HACL1: variants seen among roughly 807,000 people sequenced by gnomAD.
HACL1 encodes the protein 1600020H07Rik.
In HACL1, 64 loss-of-function variants were observed where a neutral mutation model predicts 74.2. The ratio of observed to expected loss-of-function variants is 0.86; its 90% CI spans 0.70 to 1.06. HACL1 has a LOEUF of 1.06. Among genes scored for constraint, HACL1 ranks in the 50% least tolerant of loss-of-function variants. The pLI is 0.00. For synonymous variants in HACL1, 230 were observed against 238.8 expected, an observed-to-expected ratio of 0.96 and a Z score of 0.34; for missense variants, 728 against 719.7, an observed-to-expected ratio of 1.01 and a Z score of -0.13.
At chr3:15,568,611 C>T in intron 12 of HACL1, 25 bp from the exon 13 acceptor site, 1 of 1,306,076 alleles carries the variant, frequency 7.7e-7, no homozygotes, top group Non-Finnish European at 1.1e-6. Flanking sequence ...GGAATATAAT[C>T]AAATTAAATT....
At chr3:15,589,491 T>C (rs768877216) in intron 5 of HACL1, 49 bp downstream of exon 5, 1 of 1,169,766 alleles carries the variant, frequency 8.5e-7, no homozygotes, top group Non-Finnish European at 1.3e-6. Flanking sequence ...AGCAAGATCC[T>C]GTTTCAAAAA....
intron 11 of HACL1, among the ~76,000 whole-genome samples, chr3:15,572,203 G>A (rs1256963552): frequency 1.3e-5 from 2 of 151,956 alleles, no homozygotes; most frequent in Non-Finnish European, 2.9e-5. Context: ...AAGACTATAC[G>A]GCCATACTAC....
rs748818055 is a variant in HACL1 at position 15,601,136 on chromosome 3, G to A, written c.140C>T (p.Ala47Val). 7 of 1,613,850 alleles carry A rather than the reference G, an allele frequency of 4.3e-6. No individual in the cohort carries two copies. The highest frequency in any genetic ancestry group is 5.9e-6 in the Non-Finnish European group (7 of 1,179,706). ...GATGTACTTGATGCCTAGCTGCTGG[G>A]CAGCAATGGCGATTTCGGTCACTGG... is the stretch of plus-strand genomic sequence containing the variant. ...GIPVTEIAIAAQQLGIKYIGM... is the reference protein window; with the variant it reads ...GIPVTEIAIAVQQLGIKYIGM... Residue 47 changes from alanine to valine, a missense_variant, in exon 2 of 17, where the codon GCC (alanine) becomes GTC (valine). By Grantham distance (64) the Ala-to-Val change is moderately conservative. Coordinates refer to ENST00000321169, the MANE Select transcript of HACL1 (RefSeq NM_012260.4).
intron 9 of HACL1, 103 bp from the exon 10 acceptor site, chr3:15,575,185 C>T (rs1465886078): frequency 6.7e-6 from 4 of 600,312 alleles, no homozygotes; most frequent in Non-Finnish European, 9.1e-6. Context: ...TTGGAGCTTA[C>T]ATCAGACTTC....
rs757519778 is a variant in HACL1 at position 15,597,632 on chromosome 3, G to GA, written c.187-1209dup. ...ACTCCACATTAACGACATAAATGTG[G>GA]AAAAAAAAAAAAAGGAAATGTTTAT... On this transcript the variant is annotated intron_variant, in intron 2 of 16. Coordinates refer to ENST00000321169, the MANE Select transcript of HACL1 (RefSeq NM_012260.4). Among the ~76,000 whole-genome samples the GA allele has an allele frequency of 4.9e-3, 572 of 117,702 alleles. 6 individuals are homozygous for GA. The highest frequency in any genetic ancestry group is 0.015 in the Middle Eastern group (4 of 266). The allele number at this position is 117,702 out of a possible 152,430, so 77.2% of individuals were successfully genotyped here.
intron 5 of HACL1, among the ~76,000 whole-genome samples, chr3:15,587,292 TTC>T (rs1180521700): frequency 6.8e-6 from 1 of 147,464 alleles, no homozygotes; most frequent in Non-Finnish European, 1.5e-5. Context: ...ATTCTTTCTC[TTC>T]TGTTTTTAAA....
chr3:15,588,785 T>A (rs996717504), intron 5 of HACL1, among the ~76,000 whole-genome samples: 2 of 152,202 alleles, frequency 1.3e-5, no homozygotes, highest in African/African-American at 4.8e-5. Flanking sequence ...TGTTGACATA[T>A]TCTTTCAAGT....
chr3:15,568,240 A>G (rs919536123), intron 13 of HACL1, among the ~76,000 whole-genome samples, 192 bp downstream of exon 13: 3 of 152,232 alleles, frequency 2.0e-5, no homozygotes, highest in Non-Finnish European at 4.4e-5. Flanking sequence ...TAAGTAAACA[A>G]TTATCATGAT....
chr3:15,590,585 CTAAA>C (rs2063873407), intron 4 of HACL1, among the ~76,000 whole-genome samples: 1 of 152,116 alleles, frequency 6.6e-6, no homozygotes, highest in Non-Finnish European at 1.5e-5. Flanking sequence ...AGAATAAGTA[CTAAA>C]TAGTTTATAT....
chr3:15,587,963 G>A (rs147653925), intron 5 of HACL1, among the ~76,000 whole-genome samples: 211 of 151,470 alleles, frequency 1.4e-3, no homozygotes, highest in African/African-American at 5.0e-3. Context: ...GTACGATCTC[G>A]GCTCACTGTA....
At chr3:15,594,090 C>T (rs561336867) in intron 3 of HACL1, among the ~76,000 whole-genome samples, 17 of 152,246 alleles carry the variant, frequency 1.1e-4, no homozygotes, top group South Asian at 4.1e-4. Flanking sequence ...TGAGCCACCG[C>T]GCCTGGTCCC....
At chr3:15,592,576 A>T (rs1176929602) in intron 3 of HACL1, among the ~76,000 whole-genome samples, 1 of 143,656 alleles carries the variant, frequency 7.0e-6, no homozygotes, top group Non-Finnish European at 1.5e-5. Flanking sequence ...ACATGTACGC[A>T]CATGTGTGCG....
At chr3:15,578,961 TA>T (rs2063674613) in intron 9 of HACL1, among the ~76,000 whole-genome samples, 1 of 152,318 alleles carries the variant, frequency 6.6e-6, no homozygotes, top group East Asian at 1.9e-4. Context: ...TATGAACCAG[TA>T]CATGTCTGGG....
intron 3 of HACL1, 150 bp downstream of exon 3, chr3:15,596,234 G>A: frequency 3.3e-6 from 2 of 605,638 alleles, no homozygotes; most frequent in Non-Finnish European, 6.0e-6. Flanking sequence ...TTTTGATGTG[G>A]TCCTCAGAGA....
In HACL1 at chr3:15,582,897, G is replaced by C. The variant is rs867958327; in HGVS notation, c.647C>G (p.Pro216Arg). ...AASVIRNAKQ[P>R]LLIIGKGAAY... ...GCTACCTTTCCCGATGATAAGAAGG[G>C]GTTGTTTGGCATTCCTAATAACAGA... is the stretch of plus-strand genomic sequence containing the variant. Residue 216 changes from proline (P) to arginine (R), a missense_variant, in exon 8 of 17, where the codon CCC (proline) becomes CGC (arginine). Pro to Arg is a moderately radical substitution (Grantham distance 103). Coordinates refer to ENST00000321169, the MANE Select transcript of HACL1 (RefSeq NM_012260.4). The C allele has an allele frequency of 6.3e-7, 1 of 1,591,790 alleles. No homozygotes were observed. Among genetic ancestry groups the C allele is most frequent in the Non-Finnish European group, 8.6e-7 (1 of 1,160,076 alleles).
intron 3 of HACL1, among the ~76,000 whole-genome samples, chr3:15,594,234 C>T (rs938711297): frequency 1.3e-5 from 2 of 152,034 alleles, no homozygotes; most frequent in Non-Finnish European, 2.9e-5. Flanking sequence ...ATGATGAAAC[C>T]CTGTCTCTAA....
At chr3:15,573,564 T>C (rs970645255) in intron 10 of HACL1, among the ~76,000 whole-genome samples, 21 of 152,222 alleles carry the variant, frequency 1.4e-4, no homozygotes, top group African/African-American at 4.8e-4. Context: ...TGAATTACAT[T>C]TGGAATTCCT....
chr3:15,567,462 T>C (rs1402196469), intron 14 of HACL1, among the ~76,000 whole-genome samples: 2 of 151,880 alleles, frequency 1.3e-5, no homozygotes, highest in Non-Finnish European at 2.9e-5. Context: ...TAAAGTGATC[T>C]GCCTGCCTTG....
At chr3:15,569,639 T>C (rs1391805553) in intron 12 of HACL1, among the ~76,000 whole-genome samples, 2 of 151,988 alleles carry the variant, frequency 1.3e-5, no homozygotes, top group Admixed American at 1.3e-4. Flanking sequence ...CTGACCAACA[T>C]GGAGAAGCTC....
Sources: allele counts gnomAD v4.1 joint callset (sites outside exome capture counted in the v4.1 genomes callset), GRCh38; gene constraint gnomAD v4.1.1; transcripts MANE v1.5; gene names NCBI Gene and HGNC (gene_info 2026-07-23, HGNC 2026-07-21).